TMEM245: variants seen among roughly 807,000 people sequenced by gnomAD.
The protein encoded by TMEM245 is transmembrane protein 245, also known as protein CG-2.
TMEM245 carries 69 observed loss-of-function variants against 101.2 expected under a neutral mutation model. That is an observed-to-expected ratio of 0.68 (90% CI 0.56 to 0.83). The LOEUF (loss-of-function observed/expected upper bound fraction) is 0.83, where lower values mean the gene tolerates loss of function less well. Ranked by LOEUF, TMEM245 falls within the 40% of genes least tolerant of loss-of-function variation. The probability of loss-of-function intolerance (pLI) is 0.00; values close to 1 mark genes in which losing one functional copy is unlikely to be tolerated. For missense variants in TMEM245, 1,075 were observed against 1,092.8 expected (o/e 0.98, Z 0.23); for synonymous variants, 537 against 449.8 (o/e 1.19, Z -2.45).
intron 17 of TMEM245, among the ~76,000 whole-genome samples, chr9:109,031,146 T>C (rs1362737488): frequency 6.6e-6 from 1 of 152,208 alleles, no homozygotes; most frequent in Non-Finnish European, 1.5e-5. Flanking sequence ...GCACATAACA[T>C]AGAAAACTGT....
In TMEM245 at chr9:109,084,084, T is replaced by TAA. The variant is rs34354000; in HGVS notation, c.1344+1911_1344+1912dup. Among the ~76,000 whole-genome samples, 61 of 140,996 alleles carry TAA rather than the reference T, an allele frequency of 4.3e-4. 1 individual carries two copies. Among genetic ancestry groups the TAA allele is most frequent in the South Asian group, 1.4e-3 (6 of 4,384 alleles). 92.5% of individuals were successfully genotyped at this position (140,996 alleles called of 152,430 possible). ...ACAGAGTGAGATCCTGTCTCAAATT[T>TAA]AAAAAAAAAAAAAGGAAAAGAAATA... On this transcript the variant is annotated intron_variant, in intron 7 of 17. Transcript: ENST00000374586.
chr9:109,035,579 A>G (rs1018220952), intron 16 of TMEM245, among the ~76,000 whole-genome samples: 8 of 152,186 alleles, frequency 5.3e-5, no homozygotes, highest in Admixed American at 4.6e-4. Context: ...ATCCTCAGAC[A>G]TACAATCTAA....
At chr9:109,037,114 G>A (rs1828151754) in intron 15 of TMEM245, among the ~76,000 whole-genome samples, 1 of 152,114 alleles carries the variant, frequency 6.6e-6, no homozygotes, top group Non-Finnish European at 1.5e-5. Context: ...AGGCAAATGT[G>A]GAAGGCAGAG....
At chr9:109,033,268 T>A in intron 17 of TMEM245, 39 bp downstream of exon 17, 7 of 1,532,920 alleles carry the variant, frequency 4.6e-6, no homozygotes, top group Non-Finnish European at 6.1e-6. Context: ...GACAGTTCAA[T>A]GTATAAATAC....
At chr9:109,073,955 C>T (rs185679409) in intron 8 of TMEM245, among the ~76,000 whole-genome samples, 11 of 151,206 alleles carry the variant, frequency 7.3e-5, no homozygotes, top group Non-Finnish European at 4.4e-5. Flanking sequence ...CCACCCCCCA[C>T]GTTCAAGCGA....
chr9:109,055,229 G>A (rs1487422247), intron 12 of TMEM245, among the ~76,000 whole-genome samples: 1 of 152,172 alleles, frequency 6.6e-6, no homozygotes, highest in Non-Finnish European at 1.5e-5. Context: ...ATAACTTTTA[G>A]TTAACACACC....
intron 14 of TMEM245, among the ~76,000 whole-genome samples, chr9:109,044,717 T>G (rs144993985): frequency 6.6e-6 from 1 of 151,982 alleles, no homozygotes; most frequent in African/African-American, 2.4e-5. Context: ...AGTAATCAGA[T>G]AGGGGTAATT....
chr9:109,105,736 T>C (rs1057016246), intron 3 of TMEM245, among the ~76,000 whole-genome samples: 1 of 152,128 alleles, frequency 6.6e-6, no homozygotes. Flanking sequence ...TGGAACTAGA[T>C]ACAGGTCATG....
intron 7 of TMEM245, among the ~76,000 whole-genome samples, chr9:109,084,299 T>A (rs1829770143): frequency 6.6e-6 from 1 of 152,180 alleles, no homozygotes; most frequent in African/African-American, 2.4e-5. Context: ...ATGTATGTCC[T>A]TTCTTGGAAT....
rs10717187 is a variant in TMEM245 at position 109,016,940 on chromosome 9, GT to G, written c.*3519del. Reference sequence around the variant, plus strand: ...GAAGTCCTAAGGGTTTTTGTATTTTGTTTTTTTTTCCTATAAACCCTGAGGT... The same window carrying G: ...GAAGTCCTAAGGGTTTTTGTATTTTGTTTTTTTTCCTATAAACCCTGAGGT... On this transcript the variant is annotated 3_prime_UTR_variant, in exon 18 of 18. Transcript: ENST00000374586. 20,261 of 151,298 alleles carry G rather than the reference GT, an allele frequency of 0.13. 1,603 individuals carry two copies. The highest frequency in any genetic ancestry group is 0.19 in the African/African-American group (7,864 of 41,182). The allele number at this position is 151,298 out of a possible 1,614,324, so 9.4% of individuals were successfully genotyped here.
intron 1 of TMEM245, among the ~76,000 whole-genome samples, chr9:109,116,884 C>T (rs529003647): frequency 6.6e-6 from 1 of 152,080 alleles, no homozygotes; most frequent in South Asian, 2.1e-4. Context: ...GTACACCTCA[C>T]CCCCATCCAA....
intron 9 of TMEM245, among the ~76,000 whole-genome samples, chr9:109,068,613 T>G (rs1187844310): frequency 6.6e-6 from 1 of 152,150 alleles, no homozygotes; most frequent in African/African-American, 2.4e-5. Flanking sequence ...CACTCCAGCC[T>G]GGGTTAGAGT....
chr9:109,043,773 G>A (rs1357118776), intron 14 of TMEM245, among the ~76,000 whole-genome samples: 1 of 152,134 alleles, frequency 6.6e-6, no homozygotes, highest in Non-Finnish European at 1.5e-5. Context: ...CAGTCTTAGA[G>A]ATGTTCTCCT....
intron 11 of TMEM245, among the ~76,000 whole-genome samples, chr9:109,057,802 A>G (rs1828884529): frequency 6.6e-6 from 1 of 151,990 alleles, no homozygotes; most frequent in South Asian, 2.1e-4. Flanking sequence ...CTGAAATATA[A>G]AATTCTTTTG....
chr9:109,038,672 ATC>A (rs1828212196), intron 14 of TMEM245: 2 of 152,236 alleles, frequency 1.3e-5, no homozygotes, highest in African/African-American at 4.8e-5. Flanking sequence ...TACAAATGCT[ATC>A]AAAGAAAGTA....
intron 15 of TMEM245, 55 bp downstream of exon 15, chr9:109,037,962 A>C: frequency 7.0e-7 from 1 of 1,419,518 alleles, no homozygotes; most frequent in Non-Finnish European, 9.5e-7. Flanking sequence ...ATGTATGTAA[A>C]ATGGCTTAAC....
chr9:109,119,571 CGCGGTGCAGGCGCTGCAGCCAGTG>C lies in TMEM245; in HGVS notation c.319_342del (p.His107_Arg114del). ...GCGGCCAGGACGATGGGCGTGTGCGCGCGGTGCAGGCGCTGCAGCCAGTGGCGGCCCAGGCGCGTCAGCGAGCTC... is the reference window on the plus strand; with the variant it reads ...GCGGCCAGGACGATGGGCGTGTGCGCGCGGCCCAGGCGCGTCAGCGAGCTC... On this transcript the variant is annotated inframe_deletion, in exon 1 of 18. Coordinates refer to ENST00000374586, the MANE Select transcript of TMEM245 (RefSeq NM_032012.4). 1 of 1,541,260 alleles carries C rather than the reference CGCGGTGCAGGCGCTGCAGCCAGTG, an allele frequency of 6.5e-7. No homozygotes were observed. Among genetic ancestry groups the C allele is most frequent in the East Asian group, 2.5e-5 (1 of 40,024 alleles).
At chr9:109,061,501 T>C (rs1829010031) in intron 10 of TMEM245, among the ~76,000 whole-genome samples, 1 of 152,230 alleles carries the variant, frequency 6.6e-6, no homozygotes, top group African/African-American at 2.4e-5. Context: ...TCATCTTTAA[T>C]ACTTTTATAT....
At chr9:109,081,888 A>G (rs919660861) in intron 7 of TMEM245, among the ~76,000 whole-genome samples, 2 of 151,750 alleles carry the variant, frequency 1.3e-5, no homozygotes, top group African/African-American at 4.9e-5. Context: ...CATTTTAAAC[A>G]ACTTGTGTTT....
Sources: gnomAD v4.1 joint callset for allele counts (sites outside exome capture counted in the v4.1 genomes callset) on GRCh38, gnomAD v4.1.1 for gene constraint, MANE v1.5 for transcripts, NCBI Gene and HGNC (gene_info 2026-07-23, HGNC 2026-07-21) for gene names.